Variants in MRPS27 observed in about 807,000 individuals in gnomAD.
The protein encoded by MRPS27 is small ribosomal subunit protein mS27.
Under a neutral mutation model 48.9 loss-of-function variants are expected in MRPS27, and 43 were observed. That is an observed-to-expected ratio of 0.88 (90% confidence interval 0.69 to 1.13). The LOEUF (loss-of-function observed/expected upper bound fraction) is 1.13. Among genes scored for constraint, MRPS27 ranks in the 50% most tolerant of loss-of-function variants. The pLI, the probability that MRPS27 is intolerant of heterozygous loss-of-function variation, is 0.00. For synonymous variants in MRPS27, 188 were observed against 171.9 expected (o/e 1.09, Z -0.73); for missense variants, 467 against 476.3 (o/e 0.98, Z 0.18).
At chr5:72,302,562 T>C (rs540836710) in intron 2 of MRPS27, among the ~76,000 whole-genome samples, 1 of 152,328 alleles carries the variant, frequency 6.6e-6, no homozygotes, top group East Asian at 1.9e-4. Context: ...TTCCTCCTAC[T>C]ATAAAAATAA....
intron 4 of MRPS27, among the ~76,000 whole-genome samples, chr5:72,290,435 C>T (rs757852191): frequency 6.6e-6 from 1 of 152,120 alleles, no homozygotes; most frequent in Non-Finnish European, 1.5e-5. Context: ...GCCCCATCTG[C>T]GATCCTTAAC....
intron 4 of MRPS27, among the ~76,000 whole-genome samples, chr5:72,261,020 T>C (rs1265445676): frequency 6.6e-6 from 1 of 151,866 alleles, no homozygotes; most frequent in African/African-American, 2.4e-5. Flanking sequence ...TGTGTCACCA[T>C]GCCAGACTAA....
chr5:72,277,536 G>A (rs1037395801), intron 4 of MRPS27, among the ~76,000 whole-genome samples: 11 of 151,930 alleles, frequency 7.2e-5, no homozygotes, highest in East Asian at 5.8e-4. Flanking sequence ...CCAGGGAGTC[G>A]GAGGTTGCAG....
chr5:72,275,698 A>C (rs1749356061), intron 4 of MRPS27, among the ~76,000 whole-genome samples: 1 of 152,212 alleles, frequency 6.6e-6, no homozygotes, highest in Non-Finnish European at 1.5e-5. Context: ...CTGCCATGAC[A>C]GCATACCTGA....
At chr5:72,230,450 G>A (rs551999710) in intron 7 of MRPS27, among the ~76,000 whole-genome samples, 7 of 152,222 alleles carry the variant, frequency 4.6e-5, no homozygotes, top group East Asian at 3.9e-4. Context: ...CAAAGGTTAC[G>A]ATTTAGTGCC....
At chr5:72,241,245 G>A (rs1001518789) in intron 4 of MRPS27, among the ~76,000 whole-genome samples, 7 of 152,052 alleles carry the variant, frequency 4.6e-5, no homozygotes, top group South Asian at 2.1e-4. Context: ...CTCCCACCTC[G>A]GCTTCCTAAA....
chr5:72,228,537 C>T (rs373524443), intron 7 of MRPS27, 169 bp from the exon 8 acceptor site: 140 of 452,816 alleles, frequency 3.1e-4, no homozygotes, highest in Admixed American at 1.5e-3. Context: ...AAGGTACTTA[C>T]GTCAAAGAAA....
chr5:72,266,815 G>A (rs572379146), intron 4 of MRPS27, among the ~76,000 whole-genome samples: 5 of 151,904 alleles, frequency 3.3e-5, no homozygotes, highest in Admixed American at 6.6e-5. Context: ...AGCAGAGATC[G>A]CCCCACTGCA....
chr5:72,280,554 C>T (rs1749509345), intron 4 of MRPS27, among the ~76,000 whole-genome samples: 1 of 152,162 alleles, frequency 6.6e-6, no homozygotes, highest in Admixed American at 6.5e-5. Flanking sequence ...CAAATAGAAA[C>T]TCTTGCACAG....
chr5:72,267,423 T>G (rs879529304), intron 4 of MRPS27, among the ~76,000 whole-genome samples: 1 of 152,218 alleles, frequency 6.6e-6, no homozygotes, highest in Non-Finnish European at 1.5e-5. Flanking sequence ...AATATGATAC[T>G]CTAAGTTCAT....
At chr5:72,297,836 T>C in intron 2 of MRPS27, 134 bp from the exon 3 acceptor site, 2 of 441,076 alleles carry the variant, frequency 4.5e-6, no homozygotes, top group African/African-American at 4.1e-5. Context: ...TTTATATAAA[T>C]TAAAGAGGAA....
At chr5:72,295,044 T>G (rs1749939492) in intron 4 of MRPS27, among the ~76,000 whole-genome samples, 1 of 152,108 alleles carries the variant, frequency 6.6e-6, no homozygotes, top group Admixed American at 6.5e-5. Context: ...CTTGTGTGTG[T>G]GTGTGTTTGT....
intron 4 of MRPS27, among the ~76,000 whole-genome samples, chr5:72,280,560 C>A (rs1229944051): frequency 6.6e-6 from 1 of 152,162 alleles, no homozygotes; most frequent in Non-Finnish European, 1.5e-5. Context: ...GAAACTCTTG[C>A]ACAGCTTCTA....
chr5:72,223,981 A>C, intron 9 of MRPS27, 131 bp from the exon 10 acceptor site: 1 of 900,504 alleles, frequency 1.1e-6, no homozygotes, highest in Non-Finnish European at 1.6e-6. Context: ...CTCTTATAAA[A>C]TTGTAGGAAA....
chr5:72,284,813 T>C (rs993396843), intron 4 of MRPS27, among the ~76,000 whole-genome samples: 4 of 152,338 alleles, frequency 2.6e-5, no homozygotes, highest in African/African-American at 7.2e-5. Flanking sequence ...ATTTATTCAA[T>C]AGGAAATACA....
intron 7 of MRPS27, among the ~76,000 whole-genome samples, chr5:72,230,777 T>A (rs906721922): frequency 1.3e-5 from 2 of 152,162 alleles, no homozygotes; most frequent in African/African-American, 4.8e-5. Flanking sequence ...TCCAGTCTTT[T>A]CCCAAAGTTC....
chr5:72,269,207 A>G (rs954034374), intron 4 of MRPS27, among the ~76,000 whole-genome samples: 5 of 152,232 alleles, frequency 3.3e-5, no homozygotes, highest in African/African-American at 1.2e-4. Flanking sequence ...ACTAAGGTAC[A>G]AGGCTGCATC....
chr5:72,319,913 T>C lies in MRPS27; in HGVS notation c.73+236A>G, dbSNP rs527897053. 7.5e-6 allele frequency: 4 copies of C among 533,384 alleles called. No homozygotes were observed. In the Admixed American group the frequency reaches 1.0e-4, roughly 14 times the overall value. 33.0% of individuals were successfully genotyped at this position (533,384 alleles called of 1,614,324 possible). A position where few individuals can be genotyped will look rare whatever the true frequency, so the allele number is the denominator to read the frequency against. ...TAAATCTGGCGAATCATACGCAAAT[T>C]CCCTCATGCTATATAACCTTCCACT... On this transcript the variant is annotated intron_variant, in intron 1 of 10. Coordinates refer to ENST00000261413, the MANE Select transcript of MRPS27 (RefSeq NM_015084.3).
At position 72,295,592 on chromosome 5, in the gene MRPS27, A is replaced by G. The variant is rs1749957004; in HGVS notation, c.223-3T>C. ...CGAGAGGAAATGTTGTCTATAAGCT[A>G]AAAGACAGAAAAAGAAACCTTTGGT... On this transcript the variant is annotated splice_region_variant and splice_polypyrimidine_tract_variant and intron_variant, in intron 3 of 10. Coordinates refer to ENST00000261413, the MANE Select transcript of MRPS27 (RefSeq NM_015084.3). The G allele has an allele frequency of 5.0e-6, 8 of 1,600,950 alleles. No homozygotes were observed. The highest frequency in any genetic ancestry group is 6.8e-6 in the Non-Finnish European group (8 of 1,168,602).
Sources: gnomAD v4.1 joint callset for allele counts (sites outside exome capture counted in the v4.1 genomes callset) on GRCh38, gnomAD v4.1.1 for gene constraint, MANE v1.5 for transcripts, NCBI Gene and HGNC (gene_info 2026-07-23, HGNC 2026-07-21) for gene names.